PPP4C: variants seen among roughly 807,000 people sequenced by gnomAD.
PPP4C encodes serine/threonine-protein phosphatase 4 catalytic subunit.
A neutral mutation model predicts 40.5 loss-of-function variants in PPP4C; 10 were observed. The observed-to-expected ratio is 0.25, with a 90% CI of 0.15 to 0.42. The LOEUF (loss-of-function observed/expected upper bound fraction) is 0.42, where lower values mean the gene tolerates loss of function less well. Ranked by LOEUF, PPP4C falls within the 10% of genes least tolerant of loss-of-function variation. The pLI is 1.00. For missense variants in PPP4C, 191 were observed against 416.4 expected (o/e 0.46, Z 4.71); for synonymous variants, 187 against 163.6 (o/e 1.14, Z -1.09).
chr16:30,082,461 A>G (rs538320993), intron 3 of PPP4C, 23 bp from the exon 4 acceptor site: 22 of 1,611,194 alleles, frequency 1.4e-5, no homozygotes, highest in Middle Eastern at 1.7e-4. Flanking sequence ...TTGAGTTCCA[A>G]CCCCACTCTT....
intron 3 of PPP4C, among the ~76,000 whole-genome samples, chr16:30,082,084 AAG>A: frequency 6.6e-6 from 1 of 150,940 alleles, no homozygotes; most frequent in South Asian, 2.1e-4. Flanking sequence ...AAAGAAAAGA[AAG>A]GGGTTATGGG....
chr16:30,076,658 C>T (rs2072405785), intron 2 of PPP4C, among the ~76,000 whole-genome samples, 183 bp downstream of exon 2: 1 of 152,214 alleles, frequency 6.6e-6, no homozygotes, highest in South Asian at 2.1e-4. Context: ...TGGATAAAGA[C>T]ACTTAAAGTT....
chr16:30,076,074 G>A lies in PPP4C; in HGVS notation c.-84G>A, dbSNP rs1402946875. On this transcript the variant is annotated 5_prime_UTR_variant, in exon 1 of 9. Coordinates refer to ENST00000279387, the MANE Select transcript of PPP4C (RefSeq NM_002720.3). Reference sequence around the variant, plus strand: ...GAGGGAGGCAGGGAGCCGGAGAGCCGGAACCGGAGTCGCAGCGGCGGTAAT... The same window carrying A: ...GAGGGAGGCAGGGAGCCGGAGAGCCAGAACCGGAGTCGCAGCGGCGGTAAT... The A allele has an allele frequency of 4.5e-6, 2 of 441,918 alleles. No individual in the cohort carries two copies. Among genetic ancestry groups the A allele is most frequent in the East Asian group, 8.3e-5 (2 of 23,992 alleles). The allele number at this position is 441,918 out of a possible 1,614,324, so 27.4% of individuals were successfully genotyped here. A position where few individuals can be genotyped will look rare whatever the true frequency, so the allele number is the denominator to read the frequency against.
intron 3 of PPP4C, chr16:30,081,603 C>T (rs1486965027): frequency 4.0e-6 from 1 of 252,386 alleles, no homozygotes; most frequent in Admixed American, 4.5e-5. Flanking sequence ...ATTAGCCACG[C>T]GTGGTGGCAC....
At chr16:30,079,875 T>G (rs2072471395) in intron 2 of PPP4C, among the ~76,000 whole-genome samples, 1 of 152,168 alleles carries the variant, frequency 6.6e-6, no homozygotes, top group Non-Finnish European at 1.5e-5. Flanking sequence ...ATCCCACCTG[T>G]GTCACTGGCA....
In PPP4C at chr16:30,076,410, C is replaced by A; in HGVS notation, c.33C>A (p.Ile11=). The A allele has an allele frequency of 1.9e-6, 3 of 1,613,272 alleles. No homozygotes were observed. The highest frequency in any genetic ancestry group is 2.5e-6 in the Non-Finnish European group (3 of 1,179,820). MAEISDLDRQ[I]EQLRRCELIK... ...AGATCAGCGACCTGGACCGGCAGAT[C>A]GAGCAGCTGCGTCGCTGCGAGCTCA... Residue 11 remains isoleucine, a synonymous_variant, in exon 2 of 9, where the codon ATC becomes ATA. Transcript: ENST00000279387.
intron 7 of PPP4C, 58 bp from the exon 8 acceptor site, chr16:30,084,608 C>T (rs555772272): frequency 1.4e-5 from 22 of 1,534,440 alleles, no homozygotes; most frequent in East Asian, 2.3e-5. Flanking sequence ...CAAGGGGCAG[C>T]GCTGGCAGCC....
At chr16:30,084,334 C>T (rs1220340013) in intron 7 of PPP4C, among the ~76,000 whole-genome samples, 1 of 152,248 alleles carries the variant, frequency 6.6e-6, no homozygotes, top group Non-Finnish European at 1.5e-5. Context: ...TCCACAGTCA[C>T]TCCGGACCTC....
rs116615990 is a variant in PPP4C, at chr16:30,084,966, C to A, written c.828C>A (p.Asp276Glu). 5.0e-6 allele frequency: 8 copies of A among 1,614,030 alleles called. No individual in the cohort carries two copies. The highest frequency in any genetic ancestry group is 1.3e-5 in the African/African-American group (1 of 74,936). ...CGNVAAILEL[D>E]EHLQKDFIIF... is the part of the protein sequence containing the mutation. ...ATGTGGCAGCCATCTTGGAGCTGGA[C>A]GAGCATCTCCAGAAAGATTTCATCA... Residue 276 changes from aspartate to glutamate, a missense_variant, in exon 9 of 9, where the codon GAC becomes GAA. Around this residue, in one of 3 missense-constraint regions of PPP4C, gnomAD observed 20 missense variants for 41.0 expected, o/e 0.49. Transcript: ENST00000279387.
chr16:30,078,855 G>A (rs1051841087), intron 2 of PPP4C, among the ~76,000 whole-genome samples: 2 of 152,332 alleles, frequency 1.3e-5, no homozygotes, highest in East Asian at 3.9e-4. Flanking sequence ...GCAGTTGAGA[G>A]TCCGGGTATC....
Position 30,085,147 on chromosome 16 carries a change from T to G in PPP4C, c.*85T>G, listed in dbSNP as rs1596844863. The stretch of plus-strand genomic sequence containing the variant: ...ATCTTCCTCAGACGGAGGCTGGGCG[T>G]GGGGGGGGCTGTCCTGGCTCTGCTG... On this transcript the variant is annotated 3_prime_UTR_variant, in exon 9 of 9. Coordinates refer to ENST00000279387, the MANE Select transcript of PPP4C (RefSeq NM_002720.3). The G allele has an allele frequency of 2.1e-6, 3 of 1,459,386 alleles. No individual in the cohort carries two copies. The highest frequency in any genetic ancestry group is 1.9e-6 in the Non-Finnish European group (2 of 1,066,238). 90.4% of individuals were successfully genotyped at this position (1,459,386 alleles called of 1,614,324 possible). A position where few individuals can be genotyped will look rare whatever the true frequency, so the allele number is the denominator to read the frequency against.
Position 30,076,361 on chromosome 16 carries a change from C to G in PPP4C, c.-17C>G. 9.9e-6 allele frequency: 16 copies of G among 1,611,362 alleles called. No individual in the cohort carries two copies. Among genetic ancestry groups the G allele is most frequent in the Non-Finnish European group, 1.4e-5 (16 of 1,178,926 alleles). On this transcript the variant is annotated 5_prime_UTR_variant, in exon 2 of 9. Transcript: ENST00000279387. ...GGGGGCGGCGGCCCCGACTCTGACC[C>G]GCGCCGGGGGTGGGCCATGGCGGAG...
In PPP4C at chr16:30,083,899, A is replaced by G; in HGVS notation, c.604+118A>G. 6.8e-7 allele frequency: 1 copy of G among 1,467,016 alleles called. No individual in the cohort carries two copies. Among genetic ancestry groups the G allele is most frequent in the Non-Finnish European group, 9.3e-7 (1 of 1,078,818 alleles). 90.9% of individuals were successfully genotyped at this position (1,467,016 alleles called of 1,614,324 possible). A position where few individuals can be genotyped will look rare whatever the true frequency, so the allele number is the denominator to read the frequency against. On this transcript the variant is annotated intron_variant, in intron 7 of 8. Coordinates refer to ENST00000279387, the MANE Select transcript of PPP4C (RefSeq NM_002720.3). The surrounding 1 kb of genome is among the most constrained non-coding windows in gnomAD (Gnocchi z 6.3). ...ACCTGCCAAATGGCTGGAACCCTGGAGGAGGAGCAGGGAGGCCTGCATGGC... is the reference window on the plus strand; with the variant it reads ...ACCTGCCAAATGGCTGGAACCCTGGGGGAGGAGCAGGGAGGCCTGCATGGC...
At chr16:30,079,405 G>A (rs1487860671) in intron 2 of PPP4C, among the ~76,000 whole-genome samples, 2 of 152,022 alleles carry the variant, frequency 1.3e-5, no homozygotes, top group East Asian at 3.9e-4. Context: ...GGCCAGGATG[G>A]TCTCAATCTC....
chr16:30,083,612 T>C lies in PPP4C; in HGVS notation c.478-43T>C. ...CATGGGACAGGGAGAGGAGGGGGGCTTCAGGCCTCAGCCCCGTCCTCTTTC... is the reference window on the plus strand; with the variant it reads ...CATGGGACAGGGAGAGGAGGGGGGCCTCAGGCCTCAGCCCCGTCCTCTTTC... On this transcript the variant is annotated intron_variant, in intron 6 of 8. Coordinates refer to ENST00000279387, the MANE Select transcript of PPP4C (RefSeq NM_002720.3). This position sits in a 1 kb window ranked among gnomAD's most constrained non-coding sequence, Gnocchi z 6.3. 7.4e-6 allele frequency: 12 copies of C among 1,613,766 alleles called. No homozygotes were observed. Among genetic ancestry groups the C allele is most frequent in the Non-Finnish European group, 1.0e-5 (12 of 1,179,760 alleles).
At chr16:30,079,563 T>C (rs1253042907) in intron 2 of PPP4C, among the ~76,000 whole-genome samples, 1 of 152,108 alleles carries the variant, frequency 6.6e-6, no homozygotes, top group African/African-American at 2.4e-5. Flanking sequence ...CTATGAGCAG[T>C]TGATGGGGAA....
rs536280015 is a variant in PPP4C at position 30,076,006 on chromosome 16, AGCGGCGGCG to A, written c.-135_-127del. On this transcript the variant is annotated 5_prime_UTR_variant, in exon 1 of 9. Transcript: ENST00000279387. The stretch of plus-strand genomic sequence containing the variant: ...CTTCCGCGGCGGGGCCGGAAGTAGG[AGCGGCGGCG>A]GCGGCGGCGGCGGCGGTCGAAAGCG... The A allele has an allele frequency of 1.8e-4, 62 of 351,824 alleles. 1 individual carries two copies. Among genetic ancestry groups the A allele is most frequent in the Non-Finnish European group, 2.6e-4 (49 of 191,122 alleles). 21.8% of individuals were successfully genotyped at this position (351,824 alleles called of 1,614,324 possible). A position where few individuals can be genotyped will look rare whatever the true frequency, so the allele number is the denominator to read the frequency against.
chr16:30,076,221 G>T (rs1448257917), intron 1 of PPP4C, 94 bp from the exon 2 acceptor site: 13 of 719,608 alleles, frequency 1.8e-5, no homozygotes, highest in Non-Finnish European at 2.7e-5. Flanking sequence ...GAGGGGAGGC[G>T]GGGGTGGGGG....
At chr16:30,084,598 C>G in intron 7 of PPP4C, 68 bp from the exon 8 acceptor site, 2 of 1,483,726 alleles carry the variant, frequency 1.3e-6, no homozygotes, top group Non-Finnish European at 1.9e-6. Flanking sequence ...TGCTCACCCT[C>G]AAGGGGCAGC....
Sources: allele counts gnomAD v4.1 joint callset (sites outside exome capture counted in the v4.1 genomes callset), GRCh38; gene constraint gnomAD v4.1.1; regional missense constraint gnomAD v4.1.1; non-coding constraint Gnocchi (gnomAD v3.1); transcripts MANE v1.5; gene names NCBI Gene and HGNC (gene_info 2026-07-23, HGNC 2026-07-21).